The following CERT1 variants were observed in gnomAD, a reference collection of about 807,000 sequenced individuals.
The protein encoded by CERT1 is ceramide transporter 1.
A neutral mutation model predicts 87.9 loss-of-function variants in CERT1; 31 were observed. The observed-to-expected ratio is 0.35, with a 90% confidence interval of 0.27 to 0.48. The LOEUF (loss-of-function observed/expected upper bound fraction) is 0.48, where lower values mean the gene tolerates loss of function less well. CERT1 is among the 20% of genes least tolerant of loss of function. CERT1 has a pLI of 0.99. For missense variants in CERT1, 487 were observed against 758.0 expected (o/e 0.64, Z 4.20); for synonymous variants, 289 against 250.9 (o/e 1.15, Z -1.44).
intron 5 of CERT1, among the ~76,000 whole-genome samples, chr5:75,422,097 TA>T (rs1420281343): frequency 6.6e-6 from 1 of 152,198 alleles, no homozygotes; most frequent in East Asian, 1.9e-4. Context: ...AACAAAACGT[TA>T]ATCTCTCTCT....
chr5:75,390,343 C>A (rs1029097810), intron 11 of CERT1, among the ~76,000 whole-genome samples: 1 of 152,044 alleles, frequency 6.6e-6, no homozygotes, highest in Admixed American at 6.6e-5. Flanking sequence ...ATTCCAATTT[C>A]TTTGTTCTAA....
intron 2 of CERT1, among the ~76,000 whole-genome samples, chr5:75,471,851 A>G (rs535515909): frequency 1.1e-3 from 173 of 152,172 alleles, no homozygotes; most frequent in African/African-American, 3.9e-3. Context: ...TACACTACCC[A>G]AAGCAATCTA....
At position 75,511,302 on chromosome 5, in the gene CERT1, G is replaced by T. The variant is rs1767977814; in HGVS notation, c.-95C>A. The T allele has an allele frequency of 3.2e-6, 5 of 1,557,020 alleles. No individual in the cohort carries two copies. Among genetic ancestry groups the T allele is most frequent in the Non-Finnish European group, 4.3e-6 (5 of 1,150,870 alleles). On this transcript the variant is annotated 5_prime_UTR_variant, in exon 1 of 17. Transcript: ENST00000643780. ...TCGGGGTGAAGGGTCGGGGGATGGCGAAGCGAAGAGTGCCCGCTCCGGTGT... is the reference window on the plus strand; with the variant it reads ...TCGGGGTGAAGGGTCGGGGGATGGCTAAGCGAAGAGTGCCCGCTCCGGTGT...
At chr5:75,401,915 T>C (rs1267733763) in intron 9 of CERT1, 1 of 152,228 alleles carries the variant, frequency 6.6e-6, no homozygotes, top group Non-Finnish European at 1.5e-5. Context: ...CCACAGTTTA[T>C]TAATACTTGC....
chr5:75,452,743 A>G (rs1284900635), intron 3 of CERT1, among the ~76,000 whole-genome samples: 1 of 152,172 alleles, frequency 6.6e-6, no homozygotes, highest in East Asian at 1.9e-4. Context: ...TAATTCATAC[A>G]GCTTTCAGTT....
chr5:75,404,398 C>A (rs901864965), intron 8 of CERT1, among the ~76,000 whole-genome samples: 1 of 151,120 alleles, frequency 6.6e-6, no homozygotes, highest in African/African-American at 2.4e-5. Flanking sequence ...CATCTAATGA[C>A]CATCTGGGAC....
chr5:75,501,663 A>C (rs1767375009), intron 2 of CERT1, among the ~76,000 whole-genome samples: 1 of 152,222 alleles, frequency 6.6e-6, no homozygotes, highest in Admixed American at 6.5e-5. Flanking sequence ...CCAAATGCCC[A>C]GAAGAGAGTC....
At chr5:75,497,586 G>C (rs940983906) in intron 2 of CERT1, among the ~76,000 whole-genome samples, 1 of 152,008 alleles carries the variant, frequency 6.6e-6, no homozygotes, top group Non-Finnish European at 1.5e-5. Context: ...GAATCATGGG[G>C]GCGATGGTTT....
At chr5:75,429,578 A>G (rs1230824917) in intron 3 of CERT1, among the ~76,000 whole-genome samples, 1 of 152,116 alleles carries the variant, frequency 6.6e-6, no homozygotes, top group African/African-American at 2.4e-5. Context: ...CAGCTACTTG[A>G]GAGACTGAGG....
chr5:75,377,525 C>T (rs747690879), downstream of CERT1: 4 of 152,304 alleles, frequency 2.6e-5, no homozygotes, highest in Admixed American at 6.5e-5. Flanking sequence ...CAATGGGATA[C>T]TGTATAACCA....
chr5:75,382,297 A>G (rs1761620009), intron 14 of CERT1, among the ~76,000 whole-genome samples: 1 of 152,236 alleles, frequency 6.6e-6, no homozygotes, highest in Non-Finnish European at 1.5e-5. Context: ...TTGCAGTAAA[A>G]TATATACACG....
intron 2 of CERT1, among the ~76,000 whole-genome samples, chr5:75,503,870 T>TAAATGTTTAATTTAAATTAAACATTAAA (rs1419657533): frequency 8.7e-6 from 1 of 115,586 alleles, no homozygotes; most frequent in African/African-American, 3.3e-5. Context: ...ACATTTAAAT[T>TAAATGTTTAATTTAAATTAAACATTAAA]TTTTGTTTAA....
chr5:75,511,867 C>A, upstream of CERT1: 2 of 1,523,588 alleles, frequency 1.3e-6, no homozygotes, highest in South Asian at 2.4e-5. Context: ...GTTGGTCCGT[C>A]GCTCGCGCAG....
intron 11 of CERT1, among the ~76,000 whole-genome samples, chr5:75,397,077 A>T (rs182012623): frequency 1.3e-5 from 2 of 152,334 alleles, no homozygotes; most frequent in Admixed American, 1.3e-4. Flanking sequence ...AAAAAATCTT[A>T]TCAATTGGGA....
intron 2 of CERT1, among the ~76,000 whole-genome samples, chr5:75,503,392 C>T (rs982854094): frequency 1.3e-5 from 2 of 151,814 alleles, no homozygotes; most frequent in African/African-American, 4.8e-5. Flanking sequence ...AAAAAAATAC[C>T]AAGAGATGCC....
downstream of CERT1, chr5:75,373,755 G>GA (rs1253799628): frequency 8.8e-6 from 2 of 227,138 alleles, no homozygotes; most frequent in Non-Finnish European, 1.7e-5. Flanking sequence ...TTGGTGCACA[G>GA]AAAGCACATG....
intron 8 of CERT1, among the ~76,000 whole-genome samples, chr5:75,409,872 A>C (rs1159456611): frequency 6.9e-6 from 1 of 145,298 alleles, no homozygotes; most frequent in African/African-American, 2.6e-5. Context: ...TCGCTCTGTC[A>C]CCCAGCCTGG....
downstream of CERT1, chr5:75,374,624 C>T (rs559220214): frequency 2.7e-4 from 181 of 667,736 alleles, no homozygotes; most frequent in Non-Finnish European, 4.1e-4. Context: ...GGGACATTTC[C>T]GAAGCGAGTG....
chr5:75,384,419 A>T (rs1288416195), intron 14 of CERT1, among the ~76,000 whole-genome samples: 2 of 152,170 alleles, frequency 1.3e-5, no homozygotes, highest in Admixed American at 1.3e-4. Flanking sequence ...TTTATCAAGC[A>T]CTCTATTTCT....
Sources: gnomAD v4.1 joint callset for allele counts (sites outside exome capture counted in the v4.1 genomes callset) on GRCh38, gnomAD v4.1.1 for gene constraint, MANE v1.5 for transcripts, NCBI Gene and HGNC (gene_info 2026-07-23, HGNC 2026-07-21) for gene names.